Variants in FMN1 observed in about 807,000 individuals in gnomAD.
FMN1 encodes the protein formin-1.
In FMN1, 110 loss-of-function variants were observed where a neutral mutation model predicts 132.4. The ratio of observed to expected loss-of-function variants is 0.83; its 90% CI spans 0.71 to 0.97. The LOEUF is 0.97. Among genes scored for constraint, FMN1 ranks in the 50% least tolerant of loss-of-function variants. The probability of loss-of-function intolerance (pLI) is 0.00; values close to 1 mark genes in which losing one functional copy is unlikely to be tolerated. For synonymous variants in FMN1, 722 were observed against 651.7 expected, an observed-to-expected ratio of 1.11 and a Z score of -1.64; for missense variants, 1,792 against 1,705.3, an observed-to-expected ratio of 1.05 and a Z score of -0.90.
rs2056217744 is a variant in FMN1, at chr15:32,770,996, ATTTC to A, written c.*3310_*3313del. ...CTTCTGCTTGGCCACACTTTTTCTTATTTCTTTTTCCCCAGTAAGCTGCCACTTA... is the reference window on the plus strand; with the variant it reads ...CTTCTGCTTGGCCACACTTTTTCTTATTTTTCCCCAGTAAGCTGCCACTTA... On this transcript the variant is annotated 3_prime_UTR_variant, in exon 21 of 21. Transcript: ENST00000616417. 6.6e-6 allele frequency: 1 copy of A among 151,048 alleles called. No individual in the cohort carries two copies. Among genetic ancestry groups the A allele is most frequent in the African/African-American group, 2.4e-5 (1 of 40,976 alleles). 9.4% of individuals were successfully genotyped at this position (151,048 alleles called of 1,614,324 possible).
At chr15:32,927,345 C>CT (rs1412678049) in intron 9 of FMN1, among the ~76,000 whole-genome samples, 1 of 152,178 alleles carries the variant, frequency 6.6e-6, no homozygotes, top group Non-Finnish European at 1.5e-5. Flanking sequence ...TAATTTTGAA[C>CT]TCCTGGGCTC....
chr15:32,974,141 G>GCA (rs1204179430), intron 7 of FMN1, among the ~76,000 whole-genome samples: 2 of 152,168 alleles, frequency 1.3e-5, no homozygotes, highest in Non-Finnish European at 2.9e-5. Flanking sequence ...GTGCTTGTAA[G>GCA]CAGTATCCAA....
rs1042917851 is a variant in FMN1, at chr15:32,770,774, A to G, written c.*3536T>C. 2 of 152,186 alleles carry G rather than the reference A, an allele frequency of 1.3e-5. No homozygotes were observed. Among genetic ancestry groups the G allele is most frequent in the African/African-American group, 4.8e-5 (2 of 41,446 alleles). 9.4% of individuals were successfully genotyped at this position (152,186 alleles called of 1,614,324 possible). On this transcript the variant is annotated 3_prime_UTR_variant, in exon 21 of 21. Transcript: ENST00000616417. ...ATACTGGCAATTTGTTTTGGCTAGA[A>G]CATTTAAAAGTGTAATAGCTCCACT...
intron 6 of FMN1, among the ~76,000 whole-genome samples, chr15:33,047,523 G>A (rs2036743905): frequency 6.6e-6 from 1 of 152,180 alleles, no homozygotes; most frequent in Non-Finnish European, 1.5e-5. Context: ...GAAAAGCAGA[G>A]GAAGCACCAC....
intron 7 of FMN1, among the ~76,000 whole-genome samples, chr15:32,988,956 A>G (rs367796184): frequency 6.6e-6 from 1 of 152,236 alleles, no homozygotes. Context: ...CATCTGATAA[A>G]TGCACATTTA....
intron 17 of FMN1, among the ~76,000 whole-genome samples, chr15:32,832,683 C>A (rs1024646986): frequency 1.3e-5 from 2 of 152,066 alleles, no homozygotes; most frequent in Non-Finnish European, 2.9e-5. Flanking sequence ...GAGACTGAGG[C>A]AGGGGAATCG....
At chr15:32,828,824 C>T (rs2058434219) in intron 17 of FMN1, among the ~76,000 whole-genome samples, 2 of 152,276 alleles carry the variant, frequency 1.3e-5, no homozygotes, top group South Asian at 4.2e-4. Flanking sequence ...AATATTGATA[C>T]AACAAAGGAA....
At chr15:32,875,917 T>C (rs1448484603) in intron 16 of FMN1, among the ~76,000 whole-genome samples, 1 of 152,236 alleles carries the variant, frequency 6.6e-6, no homozygotes, top group Non-Finnish European at 1.5e-5. Flanking sequence ...GTTCTGTGCC[T>C]GGCTGGGTGA....
intron 5 of FMN1, among the ~76,000 whole-genome samples, chr15:33,080,706 G>C (rs1241876084): frequency 2.0e-5 from 3 of 152,016 alleles, no homozygotes; most frequent in African/African-American, 4.8e-5. Flanking sequence ...GACCAACATG[G>C]TGAAACCCCG....
In FMN1 at chr15:33,030,536, G is replaced by A. The variant is rs566274818; in HGVS notation, c.2162-22461C>T. ...CCTTATTGGTTTAATGGGGACATTA[G>A]GATCTGGTTTCAGTCACAAAACCAA... On this transcript the variant is annotated intron_variant, in intron 6 of 20. Transcript: ENST00000616417. Among the ~76,000 whole-genome samples, 158 of 152,328 alleles carry A rather than the reference G, an allele frequency of 1.0e-3. 1 individual carries two copies. Among genetic ancestry groups the A allele is most frequent in the South Asian group, 7.9e-3 (38 of 4,828 alleles).
chr15:33,121,531 TTTTG>T (rs202096666), intron 4 of FMN1, among the ~76,000 whole-genome samples: 155 of 152,252 alleles, frequency 1.0e-3, no homozygotes, highest in East Asian at 5.6e-3. Context: ...GTTGGTTTTG[TTTTG>T]TTTGTTTTGT....
At chr15:33,074,682 C>G (rs2038130309) in intron 5 of FMN1, among the ~76,000 whole-genome samples, 1 of 152,136 alleles carries the variant, frequency 6.6e-6, no homozygotes, top group Admixed American at 6.5e-5. Flanking sequence ...GGTATGTAAT[C>G]TTGTGATGAC....
At chr15:33,059,384 G>A (rs2037380249) in intron 6 of FMN1, among the ~76,000 whole-genome samples, 1 of 152,088 alleles carries the variant, frequency 6.6e-6, no homozygotes, top group Non-Finnish European at 1.5e-5. Context: ...TTTACATATT[G>A]GTTTCAGTTC....
intron 9 of FMN1, among the ~76,000 whole-genome samples, chr15:32,942,870 C>T (rs79965647): frequency 0.042 from 6,399 of 152,242 alleles, 220 homozygotes; most frequent in Non-Finnish European, 0.056. Flanking sequence ...GTGAAAGTTG[C>T]TGCTTTTCCT....
intron 7 of FMN1, among the ~76,000 whole-genome samples, chr15:32,975,102 C>T (rs2032097932): frequency 6.6e-6 from 1 of 152,158 alleles, no homozygotes; most frequent in African/African-American, 2.4e-5. Flanking sequence ...TCCATTTTCG[C>T]CTGGTGAAAG....
chr15:33,067,833 T>C (rs1471181452), intron 5 of FMN1: 1 of 1,613,928 alleles, frequency 6.2e-7, no homozygotes, highest in Non-Finnish European at 8.5e-7. Context: ...GCTTCTGGTT[T>C]TGCTGGTTCT....
At chr15:32,858,545 C>G (rs188392034) in intron 16 of FMN1, among the ~76,000 whole-genome samples, 65 of 152,310 alleles carry the variant, frequency 4.3e-4, no homozygotes, top group African/African-American at 1.6e-3. Flanking sequence ...AATTCAAGCT[C>G]TATCTATTGA....
chr15:33,053,737 T>C (rs879380154), intron 6 of FMN1, among the ~76,000 whole-genome samples: 2 of 152,036 alleles, frequency 1.3e-5, no homozygotes, highest in Non-Finnish European at 2.9e-5. Flanking sequence ...AGCTGCCAAA[T>C]GGAGAGGTAT....
chr15:32,962,789 T>A (rs1184572802), intron 9 of FMN1, among the ~76,000 whole-genome samples: 1 of 151,426 alleles, frequency 6.6e-6, no homozygotes, highest in Non-Finnish European at 1.5e-5. Context: ...AAAACCACAA[T>A]GAGATACCAT....
Sources: gnomAD v4.1 joint callset for allele counts (sites outside exome capture counted in the v4.1 genomes callset) on GRCh38, gnomAD v4.1.1 for gene constraint, MANE v1.5 for transcripts, NCBI Gene and HGNC (gene_info 2026-07-23, HGNC 2026-07-21) for gene names.